Variants in COL22A1 observed in about 807,000 individuals in gnomAD.
COL22A1 encodes collagen alpha-1(XXII) chain.
In COL22A1, 221 loss-of-function variants were observed where a neutral mutation model predicts 248.9. The ratio of observed to expected loss-of-function variants is 0.89; its 90% confidence interval spans 0.80 to 0.99. The LOEUF (loss-of-function observed/expected upper bound fraction) is 0.99, where lower values mean the gene tolerates loss of function less well. COL22A1 is among the 50% of genes least tolerant of loss of function. The probability of loss-of-function intolerance (pLI) is 0.00; values close to 1 mark genes in which losing one functional copy is unlikely to be tolerated. For synonymous variants in COL22A1, 891 were observed against 793.4 expected (o/e 1.12, Z -2.07); for missense variants, 2,240 against 2,179.0 (o/e 1.03, Z -0.56).
intron 16 of COL22A1, among the ~76,000 whole-genome samples, chr8:138,771,721 C>T (rs1434588188): frequency 6.6e-6 from 1 of 152,208 alleles, no homozygotes; most frequent in East Asian, 1.9e-4. Flanking sequence ...ATGGACCGGA[C>T]GCTGTTCCTG....
chr8:138,732,276 C>T (rs1438492506), intron 23 of COL22A1, among the ~76,000 whole-genome samples: 1 of 152,198 alleles, frequency 6.6e-6, no homozygotes, highest in Non-Finnish European at 1.5e-5. Flanking sequence ...GAATAAAACG[C>T]AAGAAGCGAC....
At chr8:138,639,721 C>T (rs1230009263) in intron 47 of COL22A1, among the ~76,000 whole-genome samples, 1 of 152,054 alleles carries the variant, frequency 6.6e-6, no homozygotes, top group Non-Finnish European at 1.5e-5. Context: ...AGCTTTGTGA[C>T]CCAGGAACTC....
intron 3 of COL22A1, among the ~76,000 whole-genome samples, chr8:138,845,809 T>C (rs2131878023): frequency 6.6e-6 from 1 of 152,238 alleles, no homozygotes; most frequent in South Asian, 2.1e-4. Context: ...GTAAGGAGGT[T>C]CTGTATTCTC....
At chr8:138,912,750 CAA>C (rs34103668) in intron 1 of COL22A1, among the ~76,000 whole-genome samples, 44,248 of 142,664 alleles carry the variant, frequency 0.31, 6,953 homozygotes, top group African/African-American at 0.42. Flanking sequence ...AACTCGGCCT[CAA>C]AAAAAAAAAA....
intron 3 of COL22A1, among the ~76,000 whole-genome samples, chr8:138,845,060 A>G (rs892567910): frequency 1.3e-5 from 2 of 152,174 alleles, no homozygotes; most frequent in Non-Finnish European, 2.9e-5. Context: ...AAGATGTTCC[A>G]TAAGTCATCT....
At chr8:138,688,860 T>G in intron 37 of COL22A1, 57 bp downstream of exon 37, 1 of 1,452,076 alleles carries the variant, frequency 6.9e-7, no homozygotes, top group Non-Finnish European at 9.7e-7. Flanking sequence ...GCTCCTTCAG[T>G]GCCTGTAAGA....
At chr8:138,760,438 T>C (rs978106944) in intron 17 of COL22A1, 151 bp from the exon 18 acceptor site, 3 of 626,040 alleles carry the variant, frequency 4.8e-6, no homozygotes, top group Non-Finnish European at 7.9e-6. Flanking sequence ...TTCTGGACTG[T>C]GCTTATTGCT....
intron 56 of COL22A1, among the ~76,000 whole-genome samples, chr8:138,609,676 C>G (rs1487537180): frequency 6.6e-6 from 1 of 152,232 alleles, no homozygotes; most frequent in African/African-American, 2.4e-5. Flanking sequence ...GAAATTCTAG[C>G]CCTCCTCCTT....
intron 62 of COL22A1, 99 bp from the exon 63 acceptor site, chr8:138,594,298 T>G: frequency 9.9e-7 from 1 of 1,014,296 alleles, no homozygotes; most frequent in Non-Finnish European, 1.4e-6. Flanking sequence ...GGGCCGATAA[T>G]AGCTGCAGAA....
Position 138,623,637 on chromosome 8 carries a change from G to A in COL22A1, c.3771+95C>T, listed in dbSNP as rs1331036989. 2.1e-5 allele frequency: 22 copies of A among 1,055,498 alleles called. No homozygotes were observed. In the East Asian group the frequency reaches 2.9e-4, roughly 14 times the overall value. 65.4% of individuals were successfully genotyped at this position (1,055,498 alleles called of 1,614,324 possible). ...TAATGCATAGAAAATGCCTATCTTC[G>A]AGACTGGTTCAAAATAGCTCCTCAC... On this transcript the variant is annotated intron_variant, in intron 52 of 64. Transcript: ENST00000303045.
chr8:138,865,388 GTGTA>G (rs1393057355), intron 3 of COL22A1, among the ~76,000 whole-genome samples: 4 of 152,074 alleles, frequency 2.6e-5, no homozygotes, highest in Admixed American at 6.6e-5. Context: ...CTGTGTGTGA[GTGTA>G]TGTGTGTGTC....
At chr8:138,729,148 A>C (rs1830530138) in intron 23 of COL22A1, among the ~76,000 whole-genome samples, 1 of 152,178 alleles carries the variant, frequency 6.6e-6, no homozygotes, top group South Asian at 2.1e-4. Flanking sequence ...ACAGAGGAGG[A>C]AAATGAACTG....
intron 3 of COL22A1, among the ~76,000 whole-genome samples, chr8:138,849,864 C>A (rs1586885923): frequency 6.6e-6 from 1 of 152,310 alleles, no homozygotes; most frequent in Non-Finnish European, 1.5e-5. Context: ...CCACTATCCA[C>A]AATCTCTGCA....
intron 26 of COL22A1, 120 bp from the exon 27 acceptor site, chr8:138,720,912 C>A: frequency 3.7e-6 from 3 of 800,180 alleles, no homozygotes; most frequent in East Asian, 4.9e-5. Flanking sequence ...TTTTGAACTG[C>A]TTCAACTCTG....
At chr8:138,725,521 AG>A in intron 23 of COL22A1, 81 bp from the exon 24 acceptor site, 1 of 1,144,042 alleles carries the variant, frequency 8.7e-7, no homozygotes, top group Non-Finnish European at 1.3e-6. Flanking sequence ...AAAGAGGCAA[AG>A]GGAAGGGGAC....
At chr8:138,721,968 A>C in intron 26 of COL22A1, 68 bp downstream of exon 26, 1 of 1,212,960 alleles carries the variant, frequency 8.2e-7, no homozygotes, top group Non-Finnish European at 1.2e-6. Flanking sequence ...ATTCACCAAC[A>C]ATCAAGCATC....
rs138400761 is a variant in COL22A1 at position 138,838,845 on chromosome 8, C to T, written c.733+5239G>A. ...TGAAGCCAGGGAAGCCGCTGGACCACGTGGTGTCAGAAGACCTTAGTGATG... is the reference window on the plus strand; with the variant it reads ...TGAAGCCAGGGAAGCCGCTGGACCATGTGGTGTCAGAAGACCTTAGTGATG... On this transcript the variant is annotated intron_variant, in intron 4 of 64. Transcript: ENST00000303045. 1.0e-3 allele frequency among the ~76,000 whole-genome samples: 152 copies of T among 152,266 alleles called. 2 individuals are homozygous for T. Among genetic ancestry groups the T allele is most frequent in the African/African-American group, 3.4e-3 (142 of 41,560 alleles).
intron 3 of COL22A1, among the ~76,000 whole-genome samples, chr8:138,877,546 G>A (rs1823816891): frequency 6.6e-6 from 1 of 152,158 alleles, no homozygotes; most frequent in African/African-American, 2.4e-5. Flanking sequence ...TCTGACAACA[G>A]GAATGTCCAG....
At chr8:138,613,052 TC>T (rs1161299282) in intron 56 of COL22A1, among the ~76,000 whole-genome samples, 1 of 145,148 alleles carries the variant, frequency 6.9e-6, no homozygotes, top group Non-Finnish European at 1.5e-5. Context: ...ATAGAGACCA[TC>T]CTGGCTAACA....
Sources: allele counts gnomAD v4.1 joint callset (sites outside exome capture counted in the v4.1 genomes callset), GRCh38; gene constraint gnomAD v4.1.1; transcripts MANE v1.5; gene names NCBI Gene and HGNC (gene_info 2026-07-23, HGNC 2026-07-21).